PRKN: variants seen among roughly 807,000 people sequenced by gnomAD.
PRKN encodes the protein E3 ubiquitin-protein ligase parkin.
Under a neutral mutation model 59.5 loss-of-function variants are expected in PRKN, and 56 were observed. The observed-to-expected ratio is 0.94, with a 90% confidence interval of 0.76 to 1.18. PRKN has a LOEUF of 1.18. Among genes scored for constraint, PRKN ranks in the 50% most tolerant of loss-of-function variants. The probability of loss-of-function intolerance (pLI) is 0.00; values close to 1 mark genes in which losing one functional copy is unlikely to be tolerated. For synonymous variants in PRKN, 250 were observed against 222.1 expected (o/e 1.13, Z -1.12); for missense variants, 657 against 596.4 (o/e 1.10, Z -1.06).
At chr6:162,640,725 A>C (rs957767237) in intron 1 of PRKN, among the ~76,000 whole-genome samples, 1 of 152,202 alleles carries the variant, frequency 6.6e-6, no homozygotes, top group African/African-American at 2.4e-5. Context: ...TACAGTCTGC[A>C]AGTTGTCTAA....
chr6:161,964,479 T>C (rs1317961624), intron 6 of PRKN, among the ~76,000 whole-genome samples: 1 of 152,014 alleles, frequency 6.6e-6, no homozygotes, highest in Admixed American at 6.5e-5. Context: ...TTTACTCCTA[T>C]GGGGCCTGGG....
At position 161,428,796 on chromosome 6, in the gene PRKN, A is replaced by G. The variant is rs1562442375; in HGVS notation, c.1084-41919T>C. 6.6e-6 allele frequency among the ~76,000 whole-genome samples: 1 copy of G among 152,170 alleles called. No homozygotes were observed. Among genetic ancestry groups the G allele is most frequent in the Non-Finnish European group, 1.5e-5 (1 of 68,034 alleles). On this transcript the variant is annotated intron_variant, in intron 9 of 11. Transcript: ENST00000366898. The surrounding 1 kb of genome is among the most constrained non-coding windows in gnomAD (Gnocchi z 4.0). ...TCTTGTCATATATGGGCAAGCATTC[A>G]TGTATTTCAAGTCATGTTTTTGCAG...
intron 7 of PRKN, among the ~76,000 whole-genome samples, chr6:161,619,123 G>A (rs915948946): frequency 6.6e-6 from 1 of 151,848 alleles, no homozygotes; most frequent in African/African-American, 2.4e-5. Context: ...TCACAAAAAG[G>A]CTGAAGATCT....
chr6:162,156,647 C>T (rs936622535), intron 4 of PRKN, among the ~76,000 whole-genome samples: 3 of 152,126 alleles, frequency 2.0e-5, no homozygotes, highest in Non-Finnish European at 4.4e-5. Flanking sequence ...TAGATTGTGC[C>T]CACCCAGATT....
At chr6:162,553,009 T>C (rs1478771747) in intron 1 of PRKN, among the ~76,000 whole-genome samples, 4 of 152,078 alleles carry the variant, frequency 2.6e-5, no homozygotes, top group African/African-American at 9.7e-5. Flanking sequence ...GGGCTTGGCA[T>C]TGCCCAAAGC....
intron 1 of PRKN, chr6:162,569,759 C>T: frequency 2.0e-6 from 1 of 508,014 alleles, no homozygotes; most frequent in South Asian, 1.9e-5. Context: ...CAGCCTGCCC[C>T]TCTGGTGGCT....
intron 4 of PRKN, among the ~76,000 whole-genome samples, chr6:162,150,524 G>C (rs184613058): frequency 4.6e-5 from 7 of 152,268 alleles, no homozygotes; most frequent in African/African-American, 1.7e-4. Context: ...CTGTTACTTT[G>C]AAAAAGACGC....
chr6:161,515,835 G>A (rs1301867196), intron 9 of PRKN, among the ~76,000 whole-genome samples: 1 of 152,004 alleles, frequency 6.6e-6, no homozygotes, highest in African/African-American at 2.4e-5. Context: ...CAGTCACCTA[G>A]TATAGCTGGA....
Position 161,750,945 on chromosome 6 carries a change from A to C in PRKN, c.871+34827T>G, listed in dbSNP as rs1562654879. Reference sequence around the variant, plus strand: ...ATATTTCACTAGTCAGAGAAATAGCAATGTGGAATAGAAAGAAAATATGTA... The same window carrying C: ...ATATTTCACTAGTCAGAGAAATAGCCATGTGGAATAGAAAGAAAATATGTA... On this transcript the variant is annotated intron_variant, in intron 7 of 11. Transcript: ENST00000366898. 2.0e-5 allele frequency among the ~76,000 whole-genome samples: 3 copies of C among 152,254 alleles called. No homozygotes were observed. The East Asian group carries it at 5.8e-4, about 29-fold the overall frequency.
intron 1 of PRKN, among the ~76,000 whole-genome samples, chr6:162,718,336 T>C (rs1304088077): frequency 6.6e-6 from 1 of 152,212 alleles, no homozygotes; most frequent in East Asian, 1.9e-4. Flanking sequence ...AAGGGACTTT[T>C]AATGAATTTA....
chr6:161,735,479 T>C (rs1422003917), intron 7 of PRKN, among the ~76,000 whole-genome samples: 1 of 152,206 alleles, frequency 6.6e-6, no homozygotes, highest in Non-Finnish European at 1.5e-5. Context: ...ACTATTTTCG[T>C]CATCAGTAAG....
At chr6:162,585,482 A>G (rs1781005348) in intron 1 of PRKN, among the ~76,000 whole-genome samples, 2 of 152,116 alleles carry the variant, frequency 1.3e-5, no homozygotes, top group Admixed American at 6.5e-5. Context: ...ATTTACTCCA[A>G]TTATCTCAAG....
At chr6:161,700,650 T>G (rs1429297572) in intron 7 of PRKN, among the ~76,000 whole-genome samples, 5 of 152,154 alleles carry the variant, frequency 3.3e-5, no homozygotes, top group Non-Finnish European at 5.9e-5. Flanking sequence ...ACATAAGAAA[T>G]TCAAACTAGG....
At chr6:162,303,031 C>CGT in intron 2 of PRKN, among the ~76,000 whole-genome samples, 1 of 149,790 alleles carries the variant, frequency 6.7e-6, no homozygotes, top group East Asian at 2.0e-4. Flanking sequence ...AAAGCAGTTA[C>CGT]GTGACTTTTG....
At chr6:161,670,653 A>C (rs1195301022) in intron 7 of PRKN, among the ~76,000 whole-genome samples, 5 of 152,078 alleles carry the variant, frequency 3.3e-5, no homozygotes, top group African/African-American at 4.8e-5. Context: ...GTCTCTACTA[A>C]AAAATACAAA....
chr6:162,390,913 AATAATAGAG>A (rs1468744372), intron 2 of PRKN, among the ~76,000 whole-genome samples: 1 of 152,204 alleles, frequency 6.6e-6, no homozygotes, highest in African/African-American at 2.4e-5. Flanking sequence ...GGGAAGAAGA[AATAATAGAG>A]TATAGATTAT....
At chr6:162,032,335 C>T (rs750607129) in intron 5 of PRKN, among the ~76,000 whole-genome samples, 10 of 151,918 alleles carry the variant, frequency 6.6e-5, no homozygotes, top group Non-Finnish European at 1.3e-4. Context: ...ATAAGATTAC[C>T]TAGTCATATA....
intron 3 of PRKN, among the ~76,000 whole-genome samples, chr6:162,228,145 A>G (rs767193054): frequency 2.0e-4 from 30 of 152,322 alleles, no homozygotes; most frequent in Non-Finnish European, 3.5e-4. Flanking sequence ...GAACCACGTA[A>G]TAAGAGAGAA....
At chr6:162,367,173 C>A (rs987266303) in intron 2 of PRKN, among the ~76,000 whole-genome samples, 1 of 152,050 alleles carries the variant, frequency 6.6e-6, no homozygotes, top group Non-Finnish European at 1.5e-5. Context: ...CCCTTTTGCT[C>A]GGCAGTTCTC....
Sources: allele counts gnomAD v4.1 joint callset (sites outside exome capture counted in the v4.1 genomes callset), GRCh38; gene constraint gnomAD v4.1.1; non-coding constraint Gnocchi (gnomAD v3.1); transcripts MANE v1.5; gene names NCBI Gene and HGNC (gene_info 2026-07-23, HGNC 2026-07-21).